The following TAF4 variants were observed in gnomAD, a reference collection of about 807,000 sequenced individuals.
The protein encoded by TAF4 is transcription initiation factor TFIID subunit 4.
In TAF4, 9 loss-of-function variants were observed where a neutral mutation model predicts 90.3. That is an observed-to-expected ratio of 0.10 (90% CI 0.06 to 0.17). The LOEUF is 0.17. Ranked by LOEUF, TAF4 falls within the 10% of genes least tolerant of loss-of-function variation. TAF4 has a pLI of 1.00. For missense variants in TAF4, 1,351 were observed against 1,370.7 expected, an observed-to-expected ratio of 0.99 and a Z score of 0.23; for synonymous variants, 818 against 638.9, an observed-to-expected ratio of 1.28 and a Z score of -4.23.
intron 1 of TAF4, among the ~76,000 whole-genome samples, chr20:62,034,827 C>CTTTTTTTTTTTTTTTTT (rs1555877004): frequency 7.1e-6 from 1 of 141,810 alleles, no homozygotes; most frequent in African/African-American, 2.6e-5. Context: ...TCATAGATTT[C>CTTTTTTTTTTTTTTTTT]TTTTTTTTTT....
In TAF4 at chr20:62,031,824, G is replaced by A. The variant is rs192517659; in HGVS notation, c.1361-17117C>T. Among the ~76,000 whole-genome samples the A allele has an allele frequency of 2.0e-5, 3 of 152,214 alleles. No homozygotes were observed. The East Asian group carries it at 5.8e-4, about 30-fold the overall frequency. ...AGGGAGACGCCGGGGTGCAGGGCAT[G>A]CAGCCCCTGGCACCCGGAGACGGGG... On this transcript the variant is annotated intron_variant, in intron 1 of 14. Transcript: ENST00000252996.
At chr20:62,034,802 G>A (rs1487484562) in intron 1 of TAF4, among the ~76,000 whole-genome samples, 1 of 150,584 alleles carries the variant, frequency 6.6e-6, no homozygotes, top group Non-Finnish European at 1.5e-5. Context: ...CATATTCATG[G>A]ATATAGTCAC....
In TAF4 at chr20:62,062,877, C is replaced by T. The variant is rs28382000; in HGVS notation, c.1360+1574G>A. ...CCAATACCTACCCAAAGGGGTGCAA[C>T]AGGCACCTGGCCTGCGCTGAGACAC... is the stretch of plus-strand genomic sequence containing the variant. On this transcript the variant is annotated intron_variant, in intron 1 of 14. Transcript: ENST00000252996. Among the ~76,000 whole-genome samples the T allele has an allele frequency of 2.7e-3, 411 of 152,324 alleles. 1 individual carries two copies. Among genetic ancestry groups the T allele is most frequent in the African/African-American group, 9.1e-3 (380 of 41,570 alleles).
intron 1 of TAF4, among the ~76,000 whole-genome samples, chr20:62,045,301 C>T (rs2055986946): frequency 6.6e-6 from 1 of 152,362 alleles, no homozygotes; most frequent in South Asian, 2.1e-4. Context: ...CTTCCCTGCC[C>T]TTCCTGGGAA....
intron 1 of TAF4, among the ~76,000 whole-genome samples, chr20:62,044,214 G>A (rs562598772): frequency 6.6e-6 from 1 of 152,268 alleles, no homozygotes; most frequent in East Asian, 1.9e-4. Flanking sequence ...TTTCCTGAGT[G>A]TACTACACAT....
chr20:62,053,455 C>T (rs1320149092), intron 1 of TAF4, among the ~76,000 whole-genome samples: 1 of 152,224 alleles, frequency 6.6e-6, no homozygotes, highest in African/African-American at 2.4e-5. Context: ...GGCAGGGAAA[C>T]ACTGGGGCAC....
intron 8 of TAF4, 33 bp from the exon 9 acceptor site, chr20:62,003,307 AG>A (rs1364639861): frequency 6.4e-7 from 1 of 1,551,876 alleles, no homozygotes; most frequent in Non-Finnish European, 8.9e-7. Context: ...AAACCACACA[AG>A]GCTTTTATTA....
intron 14 of TAF4, among the ~76,000 whole-genome samples, chr20:61,987,229 C>A (rs1327275817): frequency 6.6e-6 from 1 of 152,116 alleles, no homozygotes; most frequent in Non-Finnish European, 1.5e-5. Context: ...ACTAAGGAAA[C>A]GTCCACCAGA....
chr20:61,977,926 A>C (rs561999413), intron 14 of TAF4, among the ~76,000 whole-genome samples: 2 of 152,364 alleles, frequency 1.3e-5, no homozygotes, highest in Non-Finnish European at 2.9e-5. Context: ...GCAGCTAAAA[A>C]AGAGGACCGG....
At chr20:61,989,008 G>GA (rs956656084) in intron 14 of TAF4, among the ~76,000 whole-genome samples, 1 of 152,122 alleles carries the variant, frequency 6.6e-6, no homozygotes, top group South Asian at 2.1e-4. Flanking sequence ...TTACACGGAA[G>GA]AAAAAAACAA....
rs1285477962 is a variant in TAF4 at position 62,065,337 on chromosome 20, G to A, written c.474C>T (p.Ala158=). ...CCAGCGCGGCGGGGCCGGCGGGCTT[G>A]GCGGGGCCGGCGGGGGCGGGCTCGG... is the stretch of plus-strand genomic sequence containing the variant. ...AGPEPAPAGP[A]KPAGPAALAA... Residue 158 remains alanine, a synonymous_variant, in exon 1 of 15, where the codon GCC becomes GCT. Transcript: ENST00000252996. 2 of 958,954 alleles carry A rather than the reference G, an allele frequency of 2.1e-6. No homozygotes were observed. The highest frequency in any genetic ancestry group is 4.8e-5 in the South Asian group (1 of 20,734). 59.4% of individuals were successfully genotyped at this position (958,954 alleles called of 1,614,324 possible). A position where few individuals can be genotyped will look rare whatever the true frequency, so the allele number is the denominator to read the frequency against.
chr20:62,011,841 G>C (rs992275284), intron 3 of TAF4, among the ~76,000 whole-genome samples: 1 of 152,202 alleles, frequency 6.6e-6, no homozygotes, highest in Non-Finnish European at 1.5e-5. Flanking sequence ...ACACCATAGA[G>C]ACCTACGCAT....
At chr20:61,982,282 C>A (rs374084789) in intron 14 of TAF4, among the ~76,000 whole-genome samples, 25 of 85,792 alleles carry the variant, frequency 2.9e-4, no homozygotes, top group South Asian at 7.7e-4. Flanking sequence ...CAAACCCACA[C>A]CCCACCAGAG....
At chr20:62,041,251 C>T (rs1162910930) in intron 1 of TAF4, among the ~76,000 whole-genome samples, 3 of 152,192 alleles carry the variant, frequency 2.0e-5, no homozygotes, top group Non-Finnish European at 4.4e-5. Context: ...TGTGCACTTA[C>T]AAGGGGGACA....
intron 13 of TAF4, among the ~76,000 whole-genome samples, 167 bp from the exon 14 acceptor site, chr20:61,997,836 GATTT>G (rs1272013732): frequency 1.3e-5 from 2 of 152,014 alleles, no homozygotes; most frequent in Non-Finnish European, 2.9e-5. Context: ...CAAAAAATAA[GATTT>G]TTTTTAATGC....
intron 5 of TAF4, 92 bp downstream of exon 5, chr20:62,008,960 A>G: frequency 6.7e-7 from 1 of 1,487,996 alleles, no homozygotes; most frequent in Non-Finnish European, 8.9e-7. Context: ...CTGCTGGCAC[A>G]GGCCTCCCGG....
intron 1 of TAF4, among the ~76,000 whole-genome samples, chr20:62,047,012 C>G (rs553386170): frequency 1.5e-4 from 23 of 152,186 alleles, no homozygotes; most frequent in Non-Finnish European, 2.2e-4. Flanking sequence ...CTTGCCTTTT[C>G]ATTGTCTTAA....
intron 11 of TAF4, 128 bp from the exon 12 acceptor site, chr20:61,999,236 C>A: frequency 5.9e-6 from 7 of 1,188,118 alleles, no homozygotes; most frequent in Non-Finnish European, 8.4e-6. Context: ...CGGCGAGGAC[C>A]CGATCCCTCC....
chr20:62,026,507 C>T (rs928119549), intron 1 of TAF4, among the ~76,000 whole-genome samples: 7 of 152,206 alleles, frequency 4.6e-5, no homozygotes, highest in Admixed American at 1.3e-4. Context: ...CCCAAAATGA[C>T]GCAGAAGGAA....
Sources: allele counts gnomAD v4.1 joint callset (sites outside exome capture counted in the v4.1 genomes callset), GRCh38; gene constraint gnomAD v4.1.1; transcripts MANE v1.5; gene names NCBI Gene and HGNC (gene_info 2026-07-23, HGNC 2026-07-21).